The following SORCS2 variants were observed in gnomAD, a reference collection of about 807,000 sequenced individuals.
SORCS2 encodes the protein VPS10 domain-containing receptor SorCS2.
A neutral mutation model predicts 141.6 loss-of-function variants in SORCS2; 100 were observed. The ratio of observed to expected loss-of-function variants is 0.71; its 90% confidence interval spans 0.60 to 0.83. SORCS2 has a LOEUF of 0.83. Among genes scored for constraint, SORCS2 ranks in the 40% least tolerant of loss-of-function variants. The probability of loss-of-function intolerance (pLI) is 0.00; values close to 1 mark genes in which losing one functional copy is unlikely to be tolerated. For missense variants in SORCS2, 1,646 were observed against 1,560.2 expected (o/e 1.05, Z -0.93); for synonymous variants, 789 against 676.9 (o/e 1.17, Z -2.57).
chr4:7,328,223 A>G (rs1203617488), intron 1 of SORCS2, among the ~76,000 whole-genome samples: 2 of 143,902 alleles, frequency 1.4e-5, no homozygotes, highest in Admixed American at 6.9e-5. Flanking sequence ...TTTAGTAGAG[A>G]TGGGGTTTTA....
At chr4:7,256,748 T>A (rs1413535466) in intron 1 of SORCS2, among the ~76,000 whole-genome samples, 2 of 127,376 alleles carry the variant, frequency 1.6e-5, no homozygotes, top group Non-Finnish European at 3.3e-5. Context: ...GGGTTGGGAC[T>A]ATGGGGGTGT....
intron 15 of SORCS2, 72 bp downstream of exon 15, chr4:7,712,925 A>C: frequency 6.3e-7 from 1 of 1,581,540 alleles, no homozygotes; most frequent in Non-Finnish European, 8.6e-7. Context: ...CTGCCTGCCA[A>C]AGTCCTCCCC....
At chr4:7,737,783 C>T (rs1712315724) in intron 26 of SORCS2, among the ~76,000 whole-genome samples, 1 of 152,240 alleles carries the variant, frequency 6.6e-6, no homozygotes, top group African/African-American at 2.4e-5. Context: ...TGGGAGCTGA[C>T]TGGGCTCAGC....
At chr4:7,194,336 T>C (rs1050601701) in intron 1 of SORCS2, among the ~76,000 whole-genome samples, 2 of 152,178 alleles carry the variant, frequency 1.3e-5, no homozygotes, top group Admixed American at 6.5e-5. Flanking sequence ...TGGTCACTTG[T>C]GCCCATCTCC....
chr4:7,683,019 C>A, intron 10 of SORCS2, 130 bp downstream of exon 10: 3 of 1,202,394 alleles, frequency 2.5e-6, no homozygotes, highest in Non-Finnish European at 3.4e-6. Context: ...CCTATTTCTG[C>A]TGGGTGTGGT....
chr4:7,225,473 C>T (rs1035804171), intron 1 of SORCS2, among the ~76,000 whole-genome samples: 2 of 152,228 alleles, frequency 1.3e-5, no homozygotes, highest in Non-Finnish European at 1.5e-5. Context: ...TTGAACTCTT[C>T]CTCTGGCTTC....
intron 1 of SORCS2, among the ~76,000 whole-genome samples, chr4:7,345,625 C>T (rs1371287839): frequency 6.6e-6 from 1 of 152,212 alleles, no homozygotes; most frequent in Non-Finnish European, 1.5e-5. Context: ...ACCTCCGTTT[C>T]CCATCTGTGA....
chr4:7,597,361 G>T (rs1219175995), intron 3 of SORCS2, among the ~76,000 whole-genome samples: 3 of 151,126 alleles, frequency 2.0e-5, no homozygotes, highest in Non-Finnish European at 2.9e-5. Flanking sequence ...TGAAATGAGA[G>T]AGGGGGCTGT....
chr4:7,305,416 G>A (rs2108908193), intron 1 of SORCS2, among the ~76,000 whole-genome samples: 1 of 151,492 alleles, frequency 6.6e-6, no homozygotes, highest in South Asian at 2.1e-4. Flanking sequence ...ATCCTGAGAA[G>A]GAGGGGTGCC....
At chr4:7,416,150 T>G (rs541777655) in intron 2 of SORCS2, among the ~76,000 whole-genome samples, 4 of 152,260 alleles carry the variant, frequency 2.6e-5, no homozygotes, top group African/African-American at 9.6e-5. Context: ...GGGCCTGGAC[T>G]CTGTTCTGTA....
intron 2 of SORCS2, among the ~76,000 whole-genome samples, chr4:7,517,363 T>C (rs1733054278): frequency 6.6e-6 from 1 of 152,322 alleles, no homozygotes; most frequent in South Asian, 2.1e-4. Flanking sequence ...TCCTAATGAA[T>C]TTTTGTATCT....
At chr4:7,526,166 C>G (rs1029967622) in intron 2 of SORCS2, among the ~76,000 whole-genome samples, 2 of 152,276 alleles carry the variant, frequency 1.3e-5, no homozygotes, top group Admixed American at 6.5e-5. Context: ...CACATGGTCA[C>G]TTGCTCATCT....
chr4:7,321,592 G>A (rs1718897198), intron 1 of SORCS2, among the ~76,000 whole-genome samples: 1 of 152,226 alleles, frequency 6.6e-6, no homozygotes, highest in African/African-American at 2.4e-5. Flanking sequence ...ATCTCACAGG[G>A]GGGCGGACAG....
At chr4:7,548,285 C>T (rs1713423972) in intron 3 of SORCS2, among the ~76,000 whole-genome samples, 1 of 152,190 alleles carries the variant, frequency 6.6e-6, no homozygotes. Flanking sequence ...GGTGAGGAGT[C>T]TCTGCAGGGC....
chr4:7,402,129 C>T (rs1304830087), intron 2 of SORCS2, among the ~76,000 whole-genome samples: 1 of 152,160 alleles, frequency 6.6e-6, no homozygotes, highest in Admixed American at 6.5e-5. Context: ...GTTTTTACCA[C>T]ACCAGAGCCG....
intron 3 of SORCS2, among the ~76,000 whole-genome samples, chr4:7,570,994 C>T (rs1027814581): frequency 2.0e-5 from 3 of 152,216 alleles, no homozygotes; most frequent in Non-Finnish European, 4.4e-5. Flanking sequence ...GGCGCAGCCA[C>T]TCTCCAAGGA....
intron 1 of SORCS2, among the ~76,000 whole-genome samples, chr4:7,202,220 C>T (rs904550355): frequency 5.3e-5 from 8 of 152,316 alleles, no homozygotes; most frequent in Middle Eastern, 3.4e-3. Flanking sequence ...GCAACAGCAA[C>T]GTCTTTTCCA....
intron 1 of SORCS2, among the ~76,000 whole-genome samples, chr4:7,239,620 AGCTGGGGCTGGGCCCGGCTGGGTC>A (rs1712547105): frequency 6.6e-6 from 1 of 152,078 alleles, no homozygotes; most frequent in Non-Finnish European, 1.5e-5. Context: ...GCCCCTGGGG[AGCTGGGGCTGGGCCCGGCTGGGTC>A]GCTGGGCGAG....
At chr4:7,263,830 C>T (rs537022803) in intron 1 of SORCS2, among the ~76,000 whole-genome samples, 1 of 152,324 alleles carries the variant, frequency 6.6e-6, no homozygotes, top group African/African-American at 2.4e-5. Context: ...CAAGTTCCAC[C>T]CCGACGTGGA....
Sources: allele counts gnomAD v4.1 joint callset (sites outside exome capture counted in the v4.1 genomes callset), GRCh38; gene constraint gnomAD v4.1.1; transcripts MANE v1.5; gene names NCBI Gene and HGNC (gene_info 2026-07-23, HGNC 2026-07-21).